ALG6: variants seen among roughly 807,000 people sequenced by gnomAD.
ALG6 encodes the protein dolichyl pyrophosphate Man9GlcNAc2 alpha-1,3-glucosyltransferase.
A neutral mutation model predicts 66.6 loss-of-function variants in ALG6; 46 were observed. The observed-to-expected ratio is 0.69, with a 90% confidence interval of 0.55 to 0.88. The LOEUF is 0.88. Ranked by LOEUF, ALG6 falls within the 40% of genes least tolerant of loss-of-function variation. The probability of loss-of-function intolerance (pLI) is 0.00; values close to 1 mark genes in which losing one functional copy is unlikely to be tolerated. For missense variants in ALG6, 505 were observed against 586.8 expected, an observed-to-expected ratio of 0.86 and a Z score of 1.44; for synonymous variants, 185 against 203.7, an observed-to-expected ratio of 0.91 and a Z score of 0.78.
chr1:63,372,938 A>T (rs890273574), intron 2 of ALG6, among the ~76,000 whole-genome samples: 2 of 150,928 alleles, frequency 1.3e-5, no homozygotes, highest in African/African-American at 4.9e-5. Flanking sequence ...GATTACAGGC[A>T]TGAGCCACCG....
chr1:63,392,633 T>C (rs1021615507), intron 2 of ALG6, among the ~76,000 whole-genome samples: 21 of 152,192 alleles, frequency 1.4e-4, no homozygotes, highest in African/African-American at 3.4e-4. Flanking sequence ...AAAATGAACA[T>C]TTAAGTAGTG....
intron 14 of ALG6, among the ~76,000 whole-genome samples, chr1:63,431,190 A>G (rs920490196): frequency 6.5e-4 from 99 of 152,106 alleles, no homozygotes; most frequent in African/African-American, 2.3e-3. Flanking sequence ...CCATTGATCT[A>G]TATGTCTATC....
At position 63,437,772 on chromosome 1, in the gene ALG6, G is replaced by A. The variant is rs1055851715; in HGVS notation, c.*752G>A. ...TCTTCTAAATTACACATAATCACTGGTTCTAAACTTCCAGAACCATTCTGT... is the reference window on the plus strand; with the variant it reads ...TCTTCTAAATTACACATAATCACTGATTCTAAACTTCCAGAACCATTCTGT... On this transcript the variant is annotated 3_prime_UTR_variant, in exon 15 of 15. Coordinates refer to ENST00000263440, the MANE Select transcript of ALG6 (RefSeq NM_013339.4). 8 of 151,382 alleles carry A rather than the reference G, an allele frequency of 5.3e-5. No individual in the cohort carries two copies. Among genetic ancestry groups the A allele is most frequent in the African/African-American group, 1.9e-4 (8 of 41,126 alleles). The allele number at this position is 151,382 out of a possible 1,614,324, so 9.4% of individuals were successfully genotyped here. A position where few individuals can be genotyped will look rare whatever the true frequency, so the allele number is the denominator to read the frequency against.
intron 2 of ALG6, among the ~76,000 whole-genome samples, chr1:63,371,809 T>C (rs933411373): frequency 2.0e-5 from 3 of 152,132 alleles, no homozygotes; most frequent in Non-Finnish European, 4.4e-5. Flanking sequence ...TTCACCATGC[T>C]GGCCAGGCTG....
intron 14 of ALG6, among the ~76,000 whole-genome samples, chr1:63,432,018 C>T (rs1340510562): frequency 6.6e-6 from 1 of 151,996 alleles, no homozygotes; most frequent in Admixed American, 6.6e-5. Context: ...GCCTAATTGC[C>T]CTAGGACCTA....
At chr1:63,395,587 C>T (rs930923533) in intron 2 of ALG6, among the ~76,000 whole-genome samples, 5 of 152,096 alleles carry the variant, frequency 3.3e-5, no homozygotes, top group East Asian at 3.9e-4. Flanking sequence ...CCCAGCTACT[C>T]GGGAGGCTGA....
chr1:63,385,064 G>A (rs1648454821), intron 2 of ALG6, among the ~76,000 whole-genome samples: 1 of 151,750 alleles, frequency 6.6e-6, no homozygotes, highest in African/African-American at 2.4e-5. Context: ...GATTGCTTTG[G>A]GTAGAATGGA....
chr1:63,403,254 G>T (rs1644474434), intron 4 of ALG6, among the ~76,000 whole-genome samples: 1 of 152,052 alleles, frequency 6.6e-6, no homozygotes, highest in Non-Finnish European at 1.5e-5. Flanking sequence ...TCTAATATGT[G>T]TTGTGTATAA....
At chr1:63,399,628 C>A (rs1406575907) in intron 3 of ALG6, among the ~76,000 whole-genome samples, 1 of 152,136 alleles carries the variant, frequency 6.6e-6, no homozygotes, top group Non-Finnish European at 1.5e-5. Flanking sequence ...TAAGTTATTT[C>A]AACTATTCTT....
chr1:63,404,333 G>C (rs1644480186), intron 4 of ALG6, 120 bp from the exon 5 acceptor site: 1 of 845,692 alleles, frequency 1.2e-6, no homozygotes, highest in East Asian at 2.5e-5. Flanking sequence ...CATTGACTCT[G>C]TTGCTTTATA....
intron 14 of ALG6, among the ~76,000 whole-genome samples, chr1:63,431,545 T>C (rs1440529548): frequency 6.6e-6 from 1 of 152,166 alleles, no homozygotes; most frequent in African/African-American, 2.4e-5. Context: ...GCCCCCTTAA[T>C]AGCTGGGACT....
intron 12 of ALG6, among the ~76,000 whole-genome samples, chr1:63,422,419 A>C (rs1215455950): frequency 5.3e-5 from 2 of 37,666 alleles, no homozygotes; most frequent in African/African-American, 3.3e-4. Flanking sequence ...ATATAAATAT[A>C]TATATAAATA....
chr1:63,378,153 T>G (rs1015675871), intron 2 of ALG6, among the ~76,000 whole-genome samples: 4 of 152,220 alleles, frequency 2.6e-5, no homozygotes, highest in Non-Finnish European at 5.9e-5. Context: ...TTTGGGAGTT[T>G]TTTTTGGTGA....
intron 1 of ALG6, among the ~76,000 whole-genome samples, chr1:63,370,478 G>T (rs1461743735): frequency 1.3e-5 from 2 of 152,236 alleles, no homozygotes; most frequent in East Asian, 3.9e-4. Context: ...AATTGACTGT[G>T]TCATTATCTA....
chr1:63,422,897 G>C (rs1644595574), intron 12 of ALG6, among the ~76,000 whole-genome samples: 2 of 152,044 alleles, frequency 1.3e-5, no homozygotes, highest in African/African-American at 4.8e-5. Context: ...GGAGGTTGCG[G>C]TGAGCCAAGA....
chr1:63,400,336 CGTAT>C (rs1306381643), intron 3 of ALG6, among the ~76,000 whole-genome samples: 624 of 19,588 alleles, frequency 0.032, 185 homozygotes, highest in African/African-American at 0.14. Flanking sequence ...TATATATATA[CGTAT>C]ATATATATGT....
chr1:63,385,209 T>C (rs1347388186), intron 2 of ALG6, among the ~76,000 whole-genome samples: 1 of 77,562 alleles, frequency 1.3e-5, no homozygotes, highest in African/African-American at 5.1e-5. Context: ...TTTTTTTTTT[T>C]TTTTTTTTGA....
At position 63,438,426 on chromosome 1, in the gene ALG6, A is replaced by T. The variant is rs1451038698; in HGVS notation, c.*1406A>T. 1 of 152,176 alleles carries T rather than the reference A, an allele frequency of 6.6e-6. No homozygotes were observed. The highest frequency in any genetic ancestry group is 1.5e-5 in the Non-Finnish European group (1 of 68,012). The allele number at this position is 152,176 out of a possible 1,614,324, so 9.4% of individuals were successfully genotyped here. ...TTTATTTTTAAAAATATTTTTTGTA[A>T]TAGTACACTTGTGTTTAACATAGAA... is the stretch of plus-strand genomic sequence containing the variant. On this transcript the variant is annotated 3_prime_UTR_variant, in exon 15 of 15. Coordinates refer to ENST00000263440, the MANE Select transcript of ALG6 (RefSeq NM_013339.4).
chr1:63,399,925 A>G (rs1458178694), intron 3 of ALG6, among the ~76,000 whole-genome samples: 1 of 151,730 alleles, frequency 6.6e-6, no homozygotes, highest in African/African-American at 2.4e-5. Context: ...GGCCGGGCGC[A>G]GTGGCTTACG....
Sources: allele counts gnomAD v4.1 joint callset (sites outside exome capture counted in the v4.1 genomes callset), GRCh38; gene constraint gnomAD v4.1.1; transcripts MANE v1.5; gene names NCBI Gene and HGNC (gene_info 2026-07-23, HGNC 2026-07-21).